FAM186B: variants seen among roughly 807,000 people sequenced by gnomAD.
FAM186B encodes family with sequence similarity 186 member B, also known as protein FAM186B.
FAM186B carries 68 observed loss-of-function variants against 83.4 expected under a neutral mutation model. The ratio of observed to expected loss-of-function variants is 0.81; its 90% CI spans 0.67 to 1.00. FAM186B has a LOEUF of 1.00. Ranked by LOEUF, FAM186B falls within the 50% of genes least tolerant of loss-of-function variation. FAM186B has a pLI of 0.00. For missense variants in FAM186B, 983 were observed against 1,099.2 expected, an observed-to-expected ratio of 0.89 and a Z score of 1.49; for synonymous variants, 389 against 422.0, an observed-to-expected ratio of 0.92 and a Z score of 0.96.
At chr12:49,590,966 A>C (rs947204363) in intron 5 of FAM186B, among the ~76,000 whole-genome samples, 1 of 152,196 alleles carries the variant, frequency 6.6e-6, no homozygotes, top group South Asian at 2.1e-4. Context: ...AACTAGTGAT[A>C]ATGGAATAAC....
intron 5 of FAM186B, among the ~76,000 whole-genome samples, chr12:49,592,610 C>T (rs951928438): frequency 2.6e-5 from 4 of 151,982 alleles, no homozygotes; most frequent in Non-Finnish European, 4.4e-5. Flanking sequence ...ATGGCAAAAC[C>T]GTGTCTCTAC....
In FAM186B at chr12:49,587,687, T is replaced by G; in HGVS notation, c.2600A>C (p.Glu867Ala). 1 of 1,614,078 alleles carries G rather than the reference T, an allele frequency of 6.2e-7. No individual in the cohort carries two copies. The highest frequency in any genetic ancestry group is 8.5e-7 in the Non-Finnish European group (1 of 1,180,002). Residue 867 changes from glutamate to alanine, a missense_variant, in exon 7 of 7, where the codon GAA becomes GCA. Transcript: ENST00000257894. Reference protein sequence around the residue: ...TEVASSSYAIEKKTPASLPRD... With the variant: ...TEVASSSYAIAKKTPASLPRD... ...GGGAAGGCTGGCAGGGGTCTTTTTT[T>G]CTATTGCGTAACTGGAGGAGGCCAC...
downstream of FAM186B, chr12:49,583,027 G>A (rs983333686): frequency 1.9e-4 from 86 of 456,080 alleles, no homozygotes; most frequent in Non-Finnish European, 3.1e-4. Context: ...CAGAGAGCTC[G>A]CTAGAGGACG....
chr12:49,617,693 T>G, the FAM186B span, among the ~76,000 whole-genome samples: 1 of 152,204 alleles, frequency 6.6e-6, no homozygotes, highest in Non-Finnish European at 1.5e-5. Flanking sequence ...ACTACTATTT[T>G]AAAACCAGTT....
At chr12:49,621,997 C>T in the FAM186B span, among the ~76,000 whole-genome samples, 1 of 152,226 alleles carries the variant, frequency 6.6e-6, no homozygotes, top group Admixed American at 6.5e-5. Flanking sequence ...TATGTGTGTA[C>T]ATGTTCTAAG....
chr12:49,594,561 G>T (rs1434881187), intron 5 of FAM186B, among the ~76,000 whole-genome samples: 1 of 152,156 alleles, frequency 6.6e-6, no homozygotes, highest in East Asian at 1.9e-4. Context: ...CGTGAATGTG[G>T]TTGGTCTCTT....
chr12:49,593,806 CTA>C (rs917377734), intron 5 of FAM186B, among the ~76,000 whole-genome samples: 3 of 151,970 alleles, frequency 2.0e-5, no homozygotes, highest in Non-Finnish European at 4.4e-5. Flanking sequence ...AACTTCATCT[CTA>C]TAAAAATAAA....
chr12:49,614,695 T>C, the FAM186B span, among the ~76,000 whole-genome samples: 1 of 152,082 alleles, frequency 6.6e-6, no homozygotes, highest in Non-Finnish European at 1.5e-5. Context: ...AATATACCCA[T>C]GTAACAAACC....
chr12:49,605,175 T>C lies in FAM186B; in HGVS notation c.96+207A>G, dbSNP rs963771135. 11 of 1,391,064 alleles carry C rather than the reference T, an allele frequency of 7.9e-6. No individual in the cohort carries two copies. The East Asian group carries it at 1.4e-4, about 18-fold the overall frequency. The allele number at this position is 1,391,064 out of a possible 1,614,324, so 86.2% of individuals were successfully genotyped here. The stretch of plus-strand genomic sequence containing the variant: ...CCCCTTCCCGGGCCCCAGCCCTGCC[T>C]CAGGCGGGTGGTTGCTTTCAGCTCA... On this transcript the variant is annotated intron_variant, in intron 1 of 6. Transcript: ENST00000257894.
chr12:49,594,631 T>C (rs1046807676), intron 5 of FAM186B, among the ~76,000 whole-genome samples: 2 of 152,196 alleles, frequency 1.3e-5, no homozygotes, highest in African/African-American at 4.8e-5. Flanking sequence ...TCCCAACATT[T>C]TGGGAGGCCA....
Position 49,600,902 on chromosome 12 carries a change from G to A in FAM186B, c.738C>T (p.Ala246=). ...MATVVENLNK[A]LILQHKENRS... is the part of the protein sequence containing the mutation. ...TGTTCTCCTTGTGTTGGAGGATCAAGGCCTTGTTGAGGTTCTCCACCACAG... is the reference window on the plus strand; with the variant it reads ...TGTTCTCCTTGTGTTGGAGGATCAAAGCCTTGTTGAGGTTCTCCACCACAG... Residue 246 remains alanine, a synonymous_variant, in exon 4 of 7, where the codon GCC becomes GCT. Coordinates refer to ENST00000257894, the MANE Select transcript of FAM186B (RefSeq NM_032130.3). This position sits in a 1 kb window ranked among gnomAD's most constrained non-coding sequence, Gnocchi z 4.3. 6.2e-7 allele frequency: 1 copy of A among 1,614,176 alleles called. No homozygotes were observed. Among genetic ancestry groups the A allele is most frequent in the African/African-American group, 1.3e-5 (1 of 75,048 alleles).
chr12:49,588,780 C>T lies in FAM186B; in HGVS notation c.2365-157G>A, dbSNP rs145703411. On this transcript the variant is annotated intron_variant, in intron 5 of 6. Transcript: ENST00000257894. ...TCCCTTCAATTAGAAACCCTGGGAC[C>T]ACAAGGTATCAGACCTTTGCTGGAA... Among the ~76,000 whole-genome samples the T allele has an allele frequency of 1.8e-4, 27 of 152,304 alleles. No individual in the cohort carries two copies. The East Asian group carries it at 4.8e-3, about 27-fold the overall frequency.
At chr12:49,605,717 G>T, upstream of FAM186B, 7 of 376,670 alleles carry the variant, frequency 1.9e-5, no homozygotes, top group South Asian at 9.8e-5. Context: ...CTAGCTTTTT[G>T]TCCATTACCT....
rs550672878 is a variant in FAM186B at position 49,602,995 on chromosome 12, G to T, written c.505+190C>A. ...CATCACACCTCCCTTAGCGCTGAAG[G>T]ACAGCTCAGAGCTGCTCAGTGCTTG... On this transcript the variant is annotated intron_variant, in intron 3 of 6. Transcript: ENST00000257894. Among the ~76,000 whole-genome samples, 4 of 152,244 alleles carry T rather than the reference G, an allele frequency of 2.6e-5. No homozygotes were observed. In the East Asian group the frequency reaches 5.8e-4, roughly 22 times the overall value.
upstream of FAM186B, among the ~76,000 whole-genome samples, chr12:49,610,256 A>C (rs565715349): frequency 1.3e-5 from 2 of 152,334 alleles, no homozygotes; most frequent in African/African-American, 4.8e-5. Context: ...CCAAAGCAAG[A>C]ATTCTGGCAC....
At chr12:49,599,049 A>G (rs1241865633) in intron 4 of FAM186B, 102 bp from the exon 5 acceptor site, 2 of 1,256,652 alleles carry the variant, frequency 1.6e-6, no homozygotes, top group Non-Finnish European at 2.2e-6. Flanking sequence ...CCTTAGAGCA[A>G]AAAGAGAAAT....
the FAM186B span, among the ~76,000 whole-genome samples, chr12:49,611,430 T>C: frequency 6.6e-6 from 1 of 151,272 alleles, no homozygotes; most frequent in Non-Finnish European, 1.5e-5. Context: ...GGCATGCACC[T>C]GTAGTCCCAG....
At chr12:49,610,618 G>A (rs188607040), upstream of FAM186B, among the ~76,000 whole-genome samples, 405 of 151,842 alleles carry the variant, frequency 2.7e-3, no homozygotes, top group African/African-American at 9.1e-3. Flanking sequence ...GTGAAACCCC[G>A]TCTCTACTAA....
chr12:49,604,334 G>C lies in FAM186B; in HGVS notation c.301C>G (p.Leu101Val). The C allele has an allele frequency of 6.2e-7, 1 of 1,613,746 alleles. No individual in the cohort carries two copies. The highest frequency in any genetic ancestry group is 8.5e-7 in the Non-Finnish European group (1 of 1,179,592). ...TCACCCCAGTCACCCAGCCAGCGGAGAATGTCATACAGGTGCTTCTCCTTC... is the reference window on the plus strand; with the variant it reads ...TCACCCCAGTCACCCAGCCAGCGGACAATGTCATACAGGTGCTTCTCCTTC... ...MMKEKHLYDILRWLGDWGDTL... is the reference protein window; with the variant it reads ...MMKEKHLYDIVRWLGDWGDTL... Residue 101 changes from leucine to valine, a missense_variant, in exon 2 of 7, where the codon CTC becomes GTC. Transcript: ENST00000257894.
Sources: allele counts gnomAD v4.1 joint callset (sites outside exome capture counted in the v4.1 genomes callset), GRCh38; gene constraint gnomAD v4.1.1; non-coding constraint Gnocchi (gnomAD v3.1); transcripts MANE v1.5; gene names NCBI Gene and HGNC (gene_info 2026-07-23, HGNC 2026-07-21).